Variants in DNAJB12 observed in about 807,000 individuals in gnomAD.
The protein encoded by DNAJB12 is dnaJ homolog subfamily B member 12.
DNAJB12 carries 14 observed loss-of-function variants against 40.6 expected under a neutral mutation model. The ratio of observed to expected loss-of-function variants is 0.34; its 90% CI spans 0.23 to 0.54. The LOEUF (loss-of-function observed/expected upper bound fraction) is 0.54. Ranked by LOEUF, DNAJB12 falls within the 20% of genes least tolerant of loss-of-function variation. The pLI, the probability that DNAJB12 is intolerant of heterozygous loss-of-function variation, is 0.92. For missense variants in DNAJB12, 444 were observed against 501.7 expected (o/e 0.89, Z 1.10); for synonymous variants, 181 against 199.5 (o/e 0.91, Z 0.78).
intron 1 of DNAJB12, among the ~76,000 whole-genome samples, chr10:72,348,995 C>T (rs920884851): frequency 1.3e-5 from 2 of 152,194 alleles, no homozygotes; most frequent in Non-Finnish European, 2.9e-5. Flanking sequence ...TGTCCAGCTC[C>T]AGGGTCCATG....
At chr10:72,339,520 C>T (rs994278123) in intron 5 of DNAJB12, among the ~76,000 whole-genome samples, 14 of 149,866 alleles carry the variant, frequency 9.3e-5, no homozygotes, top group African/African-American at 2.7e-4. Context: ...GGCAACAGAG[C>T]GAGACTCCAT....
In DNAJB12 at chr10:72,340,808, C is replaced by G; in HGVS notation, c.704G>C (p.Arg235Pro). The G allele has an allele frequency of 6.2e-7, 1 of 1,614,064 alleles. No individual in the cohort carries two copies. Among genetic ancestry groups the G allele is most frequent in the Non-Finnish European group, 8.5e-7 (1 of 1,179,972 alleles). The part of the protein sequence containing the change: ...MRYTYQQRQD[R>P]RDNQGDGGLG... ...ACTCACATCACCCTGGTTGTCCCTG[C>G]GGTCCTGCCTTTGCTGGTAGGTATA... The change falls in exon 5 of 9, where the codon CGC (arginine) becomes CCC (proline). Residue 235 changes from arginine to proline, a missense_variant. Transcript: ENST00000444643.
At position 72,334,537 on chromosome 10, in the gene DNAJB12, TTTG is replaced by T; in HGVS notation, c.*108_*110del. The stretch of plus-strand genomic sequence containing the variant: ...TCCAATTCCATTTTAATTTTGTTTC[TTTG>T]TTTGTCTTTCCTCAAATATACAGTC... On this transcript the variant is annotated 3_prime_UTR_variant, in exon 9 of 9. Coordinates refer to ENST00000444643, the MANE Select transcript of DNAJB12 (RefSeq NM_017626.7). The T allele has an allele frequency of 6.5e-7, 1 of 1,532,264 alleles. No individual in the cohort carries two copies. Among genetic ancestry groups the T allele is most frequent in the Non-Finnish European group, 8.7e-7 (1 of 1,144,002 alleles). 94.9% of individuals were successfully genotyped at this position (1,532,264 alleles called of 1,614,324 possible). A position where few individuals can be genotyped will look rare whatever the true frequency, so the allele number is the denominator to read the frequency against.
chr10:72,343,403 G>A lies in DNAJB12; in HGVS notation c.420C>T (p.Asp140=). 6.2e-7 allele frequency: 1 copy of A among 1,614,064 alleles called. No individual in the cohort carries two copies. Residue 140 remains aspartate (D), a synonymous_variant, in exon 3 of 9, where the codon GAC becomes GAT. Coordinates refer to ENST00000444643, the MANE Select transcript of DNAJB12 (RefSeq NM_017626.7). The part of the protein sequence containing the change: ...YRRLALKFHP[D]KNHAPGATEA... ...CAGTGGCACCAGGTGCGTGGTTCTT[G>A]TCTGGGTGGAATTTGAGGGCCAGTC...
intron 1 of DNAJB12, among the ~76,000 whole-genome samples, chr10:72,347,460 G>T (rs1293525536): frequency 6.6e-6 from 1 of 152,226 alleles, no homozygotes; most frequent in African/African-American, 2.4e-5. Flanking sequence ...GCCCAAGGGG[G>T]ACACAGATGG....
intron 2 of DNAJB12, among the ~76,000 whole-genome samples, chr10:72,344,150 C>A (rs1861717713): frequency 6.6e-6 from 1 of 152,174 alleles, no homozygotes. Flanking sequence ...TTCTCTTTCA[C>A]CAATTCTTCC....
intron 3 of DNAJB12, among the ~76,000 whole-genome samples, chr10:72,342,757 G>A (rs961997603): frequency 2.0e-5 from 3 of 152,240 alleles, no homozygotes; most frequent in African/African-American, 4.8e-5. Flanking sequence ...CACAGAGTCA[G>A]TACACATGAG....
intron 1 of DNAJB12, among the ~76,000 whole-genome samples, chr10:72,347,067 C>T (rs534722185): frequency 3.3e-5 from 5 of 151,924 alleles, no homozygotes; most frequent in African/African-American, 7.2e-5. Flanking sequence ...CGGTTTCAAG[C>T]GATTCTCCCG....
At chr10:72,345,264 G>T in intron 1 of DNAJB12, 137 bp from the exon 2 acceptor site, 1 of 975,480 alleles carries the variant, frequency 1.0e-6, no homozygotes, top group Non-Finnish European at 1.5e-6. Context: ...TGTGGGTGCT[G>T]GGGGGACAGT....
intron 3 of DNAJB12, among the ~76,000 whole-genome samples, chr10:72,342,647 G>A (rs1564820574): frequency 6.6e-6 from 1 of 152,210 alleles, no homozygotes; most frequent in East Asian, 1.9e-4. Context: ...TAGTCACCAT[G>A]CTATTTCCCA....
At chr10:72,339,025 T>C (rs1178617545) in intron 5 of DNAJB12, among the ~76,000 whole-genome samples, 1 of 147,696 alleles carries the variant, frequency 6.8e-6, no homozygotes, top group Non-Finnish European at 1.5e-5. Flanking sequence ...TGTGGGAGGC[T>C]GAGGCAGGAG....
In DNAJB12 at chr10:72,334,017, C is replaced by T. The variant is rs999412370; in HGVS notation, c.*631G>A. On this transcript the variant is annotated 3_prime_UTR_variant, in exon 9 of 9. Coordinates refer to ENST00000444643, the MANE Select transcript of DNAJB12 (RefSeq NM_017626.7). Reference sequence around the variant, plus strand: ...TACAGCTAATGTCTAGCAAAAACATCACCAGGGTACCTTCCCCAAACAGGC... The same window carrying T: ...TACAGCTAATGTCTAGCAAAAACATTACCAGGGTACCTTCCCCAAACAGGC... 2.6e-5 allele frequency: 4 copies of T among 153,586 alleles called. No homozygotes were observed. The highest frequency in any genetic ancestry group is 9.6e-5 in the African/African-American group (4 of 41,454). The allele number at this position is 153,586 out of a possible 1,614,324, so 9.5% of individuals were successfully genotyped here. A position where few individuals can be genotyped will look rare whatever the true frequency, so the allele number is the denominator to read the frequency against.
intron 2 of DNAJB12, among the ~76,000 whole-genome samples, chr10:72,344,385 A>C (rs1861724508): frequency 6.6e-6 from 1 of 152,232 alleles, no homozygotes; most frequent in South Asian, 2.1e-4. Context: ...TCCCAAGGCC[A>C]GCTGCTGGGA....
chr10:72,345,867 C>G (rs1861772825), intron 1 of DNAJB12, among the ~76,000 whole-genome samples: 1 of 143,760 alleles, frequency 7.0e-6, no homozygotes, highest in Admixed American at 7.1e-5. Flanking sequence ...GCACTCCAGC[C>G]TGGGCGACAG....
At chr10:72,344,170 C>T (rs1004209281) in intron 2 of DNAJB12, among the ~76,000 whole-genome samples, 6 of 152,208 alleles carry the variant, frequency 3.9e-5, no homozygotes, top group African/African-American at 1.4e-4. Context: ...CTCTCCGCGT[C>T]CCTGGAGACC....
chr10:72,342,315 C>T (rs578206152), intron 3 of DNAJB12, among the ~76,000 whole-genome samples: 21 of 152,226 alleles, frequency 1.4e-4, no homozygotes, highest in Non-Finnish European at 2.6e-4. Flanking sequence ...CCACTGACTC[C>T]GAGGAGTGGG....
At chr10:72,353,821 A>C (rs1030356111) in intron 1 of DNAJB12, 8 of 152,196 alleles carry the variant, frequency 5.3e-5, no homozygotes, top group East Asian at 3.9e-4. Context: ...AGCCGTCAGG[A>C]TGAGACTGGG....
At chr10:72,336,399 G>A in intron 7 of DNAJB12, 125 bp downstream of exon 7, 2 of 1,057,686 alleles carry the variant, frequency 1.9e-6, no homozygotes, top group Non-Finnish European at 2.8e-6. Context: ...GGTGGCTGGT[G>A]CAGGGCAGTG....
chr10:72,337,478 C>G (rs531604435), intron 6 of DNAJB12, among the ~76,000 whole-genome samples: 1 of 152,222 alleles, frequency 6.6e-6, no homozygotes, highest in Non-Finnish European at 1.5e-5. Context: ...GGAGCTGACC[C>G]CCTAACGGCT....
Sources: allele counts gnomAD v4.1 joint callset (sites outside exome capture counted in the v4.1 genomes callset), GRCh38; gene constraint gnomAD v4.1.1; transcripts MANE v1.5; gene names NCBI Gene and HGNC (gene_info 2026-07-23, HGNC 2026-07-21).